The following ZNF385D variants were observed in gnomAD, a reference collection of about 807,000 sequenced individuals.
ZNF385D encodes zinc finger protein 659.
A neutral mutation model predicts 35.8 loss-of-function variants in ZNF385D; 15 were observed. The ratio of observed to expected loss-of-function variants is 0.42; its 90% CI spans 0.28 to 0.64. The LOEUF (loss-of-function observed/expected upper bound fraction) is 0.64. Among genes scored for constraint, ZNF385D ranks in the 30% least tolerant of loss-of-function variants. The pLI is 0.23. For missense variants in ZNF385D, 474 were observed against 494.6 expected, an observed-to-expected ratio of 0.96 and a Z score of 0.39; for synonymous variants, 212 against 186.8, an observed-to-expected ratio of 1.13 and a Z score of -1.10.
At chr3:21,471,484 C>T (rs547274591) in intron 4 of ZNF385D, among the ~76,000 whole-genome samples, 3 of 152,218 alleles carry the variant, frequency 2.0e-5, no homozygotes, top group African/African-American at 7.2e-5. Context: ...GATATTCTCA[C>T]TAAAGAGCCC....
chr3:21,426,046 C>T (rs1701008855), intron 5 of ZNF385D, among the ~76,000 whole-genome samples: 1 of 151,954 alleles, frequency 6.6e-6, no homozygotes, highest in African/African-American at 2.4e-5. Flanking sequence ...ATAAATGATA[C>T]CTGATGAGGA....
intron 3 of ZNF385D, among the ~76,000 whole-genome samples, chr3:22,031,342 G>A (rs1697989242): frequency 6.6e-6 from 1 of 152,212 alleles, no homozygotes; most frequent in Admixed American, 6.5e-5. Context: ...CCTGCAGCAG[G>A]CTTCTGTCTG....
chr3:21,920,099 G>A (rs543860364), intron 3 of ZNF385D, among the ~76,000 whole-genome samples: 10 of 152,222 alleles, frequency 6.6e-5, no homozygotes, highest in African/African-American at 2.4e-4. Context: ...ATTTTTAAAT[G>A]GTTAAAAGGA....
chr3:21,851,811 C>T (rs1696404360), intron 3 of ZNF385D, among the ~76,000 whole-genome samples: 2 of 151,922 alleles, frequency 1.3e-5, no homozygotes, highest in South Asian at 4.1e-4. Context: ...TCTACTTCTT[C>T]TCTAATATTG....
rs978642707 is a variant in ZNF385D, at chr3:22,333,426, A to G, written c.106+39024T>C. 5.3e-5 allele frequency among the ~76,000 whole-genome samples: 8 copies of G among 152,112 alleles called. No homozygotes were observed. The Middle Eastern group carries it at 0.01, about 194-fold the overall frequency. ...ATAAATGTTAAATTGACTTTTCGGT[A>G]TGGTCCCATAAGGCTGTAATGCTTT... On this transcript the variant is annotated intron_variant, in intron 2 of 5. Coordinates refer to the ZNF385D transcript ENST00000494108.
intron 1 of ZNF385D, among the ~76,000 whole-genome samples, chr3:21,744,793 C>T (rs887052472): frequency 4.6e-5 from 7 of 152,046 alleles, no homozygotes; most frequent in East Asian, 1.9e-4. Flanking sequence ...TGGAATTTAT[C>T]ACATTTAATT....
intron 2 of ZNF385D, among the ~76,000 whole-genome samples, chr3:22,367,597 A>AT (rs11391880): frequency 0.66 from 99,982 of 150,820 alleles, 33,614 homozygotes; most frequent in South Asian, 0.82. Flanking sequence ...TAAAATCTAG[A>AT]TTTTTTTTTT....
chr3:22,254,748 C>T (rs984169421), intron 2 of ZNF385D, among the ~76,000 whole-genome samples: 6 of 151,748 alleles, frequency 4.0e-5, no homozygotes, highest in Admixed American at 1.3e-4. Flanking sequence ...TTACTTCTGT[C>T]GGCATGTTAA....
chr3:22,098,331 T>C (rs1287386075), intron 3 of ZNF385D, among the ~76,000 whole-genome samples: 3 of 151,986 alleles, frequency 2.0e-5, no homozygotes, highest in Non-Finnish European at 4.4e-5. Context: ...TTTAAGAAAA[T>C]TCAAGAACTT....
chr3:22,322,722 T>G (rs1250156110), intron 2 of ZNF385D, among the ~76,000 whole-genome samples: 1 of 152,252 alleles, frequency 6.6e-6, no homozygotes, highest in African/African-American at 2.4e-5. Context: ...ATAAATATTT[T>G]CCCACATGCT....
intron 3 of ZNF385D, among the ~76,000 whole-genome samples, chr3:22,165,273 T>C (rs137862285): frequency 6.6e-6 from 1 of 152,326 alleles, no homozygotes; most frequent in African/African-American, 2.4e-5. Context: ...ATGGGAACTT[T>C]ACTTTCCACT....
intron 3 of ZNF385D, among the ~76,000 whole-genome samples, chr3:22,158,618 T>G (rs1353303951): frequency 6.6e-6 from 1 of 152,062 alleles, no homozygotes; most frequent in Non-Finnish European, 1.5e-5. Flanking sequence ...AACTCAAAAT[T>G]AATATTTAAG....
intron 1 of ZNF385D, among the ~76,000 whole-genome samples, chr3:21,730,498 T>C (rs910259647): frequency 8.5e-5 from 13 of 152,188 alleles, no homozygotes; most frequent in Non-Finnish European, 1.9e-4. Context: ...TAACCCTTGA[T>C]GAGAAAAAAA....
rs367548083 is a variant in ZNF385D, at chr3:22,369,400, A to C, written c.106+3050T>G. The stretch of plus-strand genomic sequence containing the variant: ...TTGCAGTTTGACGATTCAAGTTCAT[A>C]ATTAGTTTCATTATTTTAATACTCT... On this transcript the variant is annotated intron_variant, in intron 2 of 5. Coordinates refer to the ZNF385D transcript ENST00000494108. Among the ~76,000 whole-genome samples, 11 of 152,326 alleles carry C rather than the reference A, an allele frequency of 7.2e-5. No homozygotes were observed. In the South Asian group the frequency reaches 2.3e-3, roughly 32 times the overall value.
chr3:21,887,715 A>G (rs995392771), intron 3 of ZNF385D, among the ~76,000 whole-genome samples: 1 of 152,156 alleles, frequency 6.6e-6, no homozygotes, highest in Non-Finnish European at 1.5e-5. Context: ...ATTTAAAATC[A>G]GACAACAAAG....
intron 3 of ZNF385D, among the ~76,000 whole-genome samples, chr3:21,997,287 G>A (rs1695524643): frequency 6.6e-6 from 1 of 152,048 alleles, no homozygotes. Context: ...TCATAGGTGG[G>A]AATTGAACAA....
intron 2 of ZNF385D, among the ~76,000 whole-genome samples, chr3:22,275,196 C>T (rs911920920): frequency 3.9e-5 from 6 of 152,078 alleles, no homozygotes; most frequent in Non-Finnish European, 7.4e-5. Context: ...TAAATGATCA[C>T]TGTGGTATTA....
intron 3 of ZNF385D, among the ~76,000 whole-genome samples, chr3:21,801,058 T>C (rs2072376542): frequency 6.6e-6 from 1 of 152,140 alleles, no homozygotes; most frequent in African/African-American, 2.4e-5. Context: ...GTCAAGTAAT[T>C]TTTCTGCATC....
chr3:22,361,211 C>T (rs1696393588), intron 2 of ZNF385D, among the ~76,000 whole-genome samples: 1 of 151,968 alleles, frequency 6.6e-6, no homozygotes, highest in Non-Finnish European at 1.5e-5. Flanking sequence ...ATTCATTGTT[C>T]CAATGTGGCA....
Sources: gnomAD v4.1 joint callset for allele counts (sites outside exome capture counted in the v4.1 genomes callset) on GRCh38, gnomAD v4.1.1 for gene constraint, MANE v1.5 for transcripts, NCBI Gene and HGNC (gene_info 2026-07-23, HGNC 2026-07-21) for gene names.